Variants in PDIA5 observed in about 807,000 individuals in gnomAD.
PDIA5 encodes protein disulfide isomerase family A member 5.
In PDIA5, 58 loss-of-function variants were observed where a neutral mutation model predicts 77.6. The observed-to-expected ratio is 0.75, with a 90% CI of 0.61 to 0.93. The LOEUF (loss-of-function observed/expected upper bound fraction) is 0.93. PDIA5 is among the 40% of genes least tolerant of loss of function. The pLI is 0.00. For missense variants in PDIA5, 630 were observed against 647.7 expected, an observed-to-expected ratio of 0.97 and a Z score of 0.30; for synonymous variants, 250 against 252.1, an observed-to-expected ratio of 0.99 and a Z score of 0.08.
chr3:123,144,892 CA>C (rs375263441), intron 11 of PDIA5: 1,827 of 145,406 alleles, frequency 0.013, 37 homozygotes, highest in African/African-American at 0.043. Flanking sequence ...TATCTCAAAA[CA>C]AAAAAAAAAG....
intron 1 of PDIA5, among the ~76,000 whole-genome samples, chr3:123,077,421 C>G (rs992435778): frequency 1.3e-5 from 2 of 152,252 alleles, no homozygotes; most frequent in East Asian, 1.9e-4. Context: ...AGGATCCTCT[C>G]TTGGGTTCTG....
At chr3:123,143,067 A>G (rs986642315) in intron 11 of PDIA5, among the ~76,000 whole-genome samples, 8 of 151,948 alleles carry the variant, frequency 5.3e-5, no homozygotes, top group Non-Finnish European at 1.0e-4. Flanking sequence ...AAGGTAAAAA[A>G]AAACCTCAGG....
intron 15 of PDIA5, 65 bp downstream of exon 15, chr3:123,155,106 A>G (rs926224821): frequency 1.8e-6 from 2 of 1,138,698 alleles, no homozygotes; most frequent in Non-Finnish European, 1.3e-6. Context: ...CCTTCTTGTC[A>G]TTCAGGTCCT....
intron 4 of PDIA5, 72 bp downstream of exon 4, chr3:123,102,566 C>A: frequency 8.4e-7 from 1 of 1,194,080 alleles, no homozygotes; most frequent in Non-Finnish European, 1.2e-6. Context: ...CAGCGAACAG[C>A]AATTTTTAGT....
chr3:123,145,444 C>T (rs1935743861), intron 11 of PDIA5, 78 bp from the exon 12 acceptor site: 2 of 1,036,040 alleles, frequency 1.9e-6, no homozygotes, highest in African/African-American at 3.2e-5. Context: ...GACTGAGCTG[C>T]CTTACAGAGG....
At chr3:123,155,112 G>T in intron 15 of PDIA5, 71 bp downstream of exon 15, 1 of 1,094,798 alleles carries the variant, frequency 9.1e-7, no homozygotes, top group South Asian at 1.2e-5. Flanking sequence ...TGTCATTCAG[G>T]TCCTTCCCCA....
intron 7 of PDIA5, among the ~76,000 whole-genome samples, chr3:123,113,479 T>C (rs1467214754): frequency 3.9e-5 from 6 of 152,060 alleles, no homozygotes. Context: ...ACAAAGCTTA[T>C]TGGTGGTAGG....
intron 1 of PDIA5, among the ~76,000 whole-genome samples, chr3:123,084,429 C>T (rs1315747304): frequency 6.6e-6 from 1 of 152,070 alleles, no homozygotes. Context: ...GTGTCCCCTC[C>T]CTGGTCTCTG....
chr3:123,110,979 G>A lies in PDIA5; in HGVS notation c.516G>A (p.Pro172=), dbSNP rs779516395. 149 of 1,613,628 alleles carry A rather than the reference G, an allele frequency of 9.2e-5. 2 individuals are homozygous for A. The highest frequency in any genetic ancestry group is 3.3e-4 in the Middle Eastern group (2 of 6,082). The change falls in exon 7 of 17, where the codon CCG becomes CCA. Residue 172 remains proline, a synonymous_variant. Coordinates refer to ENST00000316218, the MANE Select transcript of PDIA5 (RefSeq NM_006810.4). ...FRRLLKKEEK[P]LLIMFYAPWC... is the part of the protein sequence containing the mutation. ...GGCTCCTGAAGAAGGAAGAGAAGCC[G>A]CTCCTGATCATGTTTTATGCCCCCT...
intron 3 of PDIA5, among the ~76,000 whole-genome samples, chr3:123,093,150 A>C (rs542401496): frequency 6.6e-6 from 1 of 152,250 alleles, no homozygotes; most frequent in East Asian, 1.9e-4. Flanking sequence ...GATGACCTCA[A>C]GTTTGTTCTG....
Position 123,134,018 on chromosome 3 carries a change from T to G in PDIA5, c.910+3402T>G, listed in dbSNP as rs1054289785. Among the ~76,000 whole-genome samples the G allele has an allele frequency of 4.0e-5, 6 of 150,464 alleles. No individual in the cohort carries two copies. In the East Asian group the frequency reaches 7.8e-4, roughly 19 times the overall value. On this transcript the variant is annotated intron_variant, in intron 11 of 16. Transcript: ENST00000316218. ...CTTTTCTTTTCCTTTTCTTTTCTTTTCCTTTTCTTTTCTTTCTTTTTTTGA... is the reference window on the plus strand; with the variant it reads ...CTTTTCTTTTCCTTTTCTTTTCTTTGCCTTTTCTTTTCTTTCTTTTTTTGA...
rs1935946564 is a variant in PDIA5, at chr3:123,152,947, G to A, written c.1274-2024G>A. 2.0e-5 allele frequency among the ~76,000 whole-genome samples: 3 copies of A among 148,932 alleles called. 1 individual carries two copies. In the South Asian group the frequency reaches 6.4e-4, roughly 32 times the overall value. On this transcript the variant is annotated intron_variant, in intron 14 of 16. Coordinates refer to ENST00000316218, the MANE Select transcript of PDIA5 (RefSeq NM_006810.4). Reference sequence around the variant, plus strand: ...CTCTGGGAGGCGTCTTTGGTTTTCTGCTACACAGAGGCAGTGCCTTTTTTT... The same window carrying A: ...CTCTGGGAGGCGTCTTTGGTTTTCTACTACACAGAGGCAGTGCCTTTTTTT...
At chr3:123,151,203 G>A (rs1368874617) in intron 14 of PDIA5, among the ~76,000 whole-genome samples, 3 of 152,160 alleles carry the variant, frequency 2.0e-5, no homozygotes, top group Non-Finnish European at 4.4e-5. Flanking sequence ...CCCTCCTTGA[G>A]GCAGCCTCCC....
intron 1 of PDIA5, among the ~76,000 whole-genome samples, chr3:123,087,063 T>C (rs1266193808): frequency 1.3e-5 from 2 of 152,250 alleles, no homozygotes; most frequent in Non-Finnish European, 2.9e-5. Context: ...TTGTCAGCAG[T>C]GTTCTGAAAG....
intron 1 of PDIA5, among the ~76,000 whole-genome samples, chr3:123,080,859 C>T (rs767907225): frequency 1.9e-4 from 28 of 148,784 alleles, no homozygotes; most frequent in Middle Eastern, 3.6e-3. Flanking sequence ...GAGTATCCCT[C>T]TGTGGTGTCA....
At position 123,159,282 on chromosome 3, in the gene PDIA5, G is replaced by GC. The variant is rs568655933; in HGVS notation, c.1345-2035dup. Among the ~76,000 whole-genome samples the GC allele has an allele frequency of 1.3e-3, 198 of 152,334 alleles. 1 individual carries two copies. Among genetic ancestry groups the GC allele is most frequent in the African/African-American group, 3.9e-3 (162 of 41,568 alleles). On this transcript the variant is annotated intron_variant, in intron 15 of 16. Coordinates refer to ENST00000316218, the MANE Select transcript of PDIA5 (RefSeq NM_006810.4). ...GTGGATGCCCGTGTCCCTGGGCAGG[G>GC]CCCCATAGCACCTGCCCTGAGAAAT... is the stretch of plus-strand genomic sequence containing the variant.
chr3:123,092,369 A>G lies in PDIA5; in HGVS notation c.184A>G (p.Asn62Asp). Residue 62 changes from asparagine (N) to aspartate (D), a missense_variant, in exon 3 of 17, where the codon AAT becomes GAT. Physicochemically the swap from Asn to Asp is conservative, Grantham distance 23. Transcript: ENST00000316218. ...TTTTTTTACAGAGGTGGCAGCTGAA[A>G]ATCATCTCAGGTTACTGTCCACAGT... ...LYSKSEVAAE[N>D]HLRLLSTVAQ... 1 of 1,613,844 alleles carries G rather than the reference A, an allele frequency of 6.2e-7. No individual in the cohort carries two copies.
chr3:123,112,406 G>C lies in PDIA5; in HGVS notation c.541+1402G>C, dbSNP rs182206399. ...TTCCTGAGAAGTTCTTTAAACAAAG[G>C]CTCCTCCCATCTGTGCCCTGGGGAT... On this transcript the variant is annotated intron_variant, in intron 7 of 16. Coordinates refer to ENST00000316218, the MANE Select transcript of PDIA5 (RefSeq NM_006810.4). Among the ~76,000 whole-genome samples, 5 of 152,126 alleles carry C rather than the reference G, an allele frequency of 3.3e-5. No individual in the cohort carries two copies. The East Asian group carries it at 7.7e-4, about 24-fold the overall frequency.
intron 1 of PDIA5, among the ~76,000 whole-genome samples, chr3:123,083,360 A>AT (rs2107913268): frequency 6.6e-6 from 1 of 152,122 alleles, no homozygotes; most frequent in East Asian, 1.9e-4. Flanking sequence ...GGGGAAAGCC[A>AT]TTTTTCCCGG....
Sources: allele counts gnomAD v4.1 joint callset (sites outside exome capture counted in the v4.1 genomes callset), GRCh38; gene constraint gnomAD v4.1.1; transcripts MANE v1.5; gene names NCBI Gene and HGNC (gene_info 2026-07-23, HGNC 2026-07-21).